The following XPNPEP1 variants were observed in gnomAD, a reference collection of about 807,000 sequenced individuals.
XPNPEP1 encodes the protein X-prolyl aminopeptidase 1.
In XPNPEP1, 39 loss-of-function variants were observed where a neutral mutation model predicts 92.4. The observed-to-expected ratio is 0.42, with a 90% CI of 0.33 to 0.55. The LOEUF (loss-of-function observed/expected upper bound fraction) is 0.55, where lower values mean the gene tolerates loss of function less well. Ranked by LOEUF, XPNPEP1 falls within the 20% of genes least tolerant of loss-of-function variation. XPNPEP1 has a pLI of 0.08. For synonymous variants in XPNPEP1, 307 were observed against 299.4 expected, an observed-to-expected ratio of 1.03 and a Z score of -0.26; for missense variants, 654 against 856.1, an observed-to-expected ratio of 0.76 and a Z score of 2.95.
chr10:109,878,178 T>C, intron 12 of XPNPEP1, 120 bp from the exon 13 acceptor site: 3 of 1,051,714 alleles, frequency 2.9e-6, no homozygotes, highest in African/African-American at 1.6e-5. Flanking sequence ...AACTGACCAA[T>C]CTACAGGACA....
At chr10:109,875,664 G>T in intron 14 of XPNPEP1, 65 bp from the exon 15 acceptor site, 2 of 1,416,708 alleles carry the variant, frequency 1.4e-6, no homozygotes, top group African/African-American at 2.9e-5. Flanking sequence ...CTGGGAGGAG[G>T]ACACACAAGA....
intron 5 of XPNPEP1, among the ~76,000 whole-genome samples, chr10:109,889,862 C>T (rs1848603804): frequency 2.6e-5 from 4 of 152,088 alleles, no homozygotes; most frequent in African/African-American, 7.2e-5. Context: ...TCATGAATTC[C>T]AATTCTAAAA....
intron 1 of XPNPEP1, among the ~76,000 whole-genome samples, chr10:109,916,210 G>C (rs900052358): frequency 2.0e-5 from 3 of 152,192 alleles, no homozygotes; most frequent in African/African-American, 7.2e-5. Flanking sequence ...TATTATAACA[G>C]ACAACATTTT....
At chr10:109,919,987 G>A (rs371542724) in intron 1 of XPNPEP1, among the ~76,000 whole-genome samples, 4 of 151,954 alleles carry the variant, frequency 2.6e-5, no homozygotes, top group African/African-American at 4.8e-5. Context: ...AGCCAAGATC[G>A]TGCCACTGCA....
rs1289756028 is a variant in XPNPEP1 at position 109,884,078 on chromosome 10, T to C, written c.819A>G (p.Leu273=). The change falls in exon 9 of 21, where the codon CTA becomes CTG. Residue 273 remains leucine (L), a synonymous_variant. Transcript: ENST00000502935. The stretch of plus-strand genomic sequence containing the variant: ...GGGCAAACACTCACATGATCGTCTC[T>C]AGTCCTATGATTGCGTAGGAGAAAA... ...PVFFSYAIIG[L]ETIMLFIDGD... is the part of the protein sequence containing the mutation. The C allele has an allele frequency of 6.2e-7, 1 of 1,614,018 alleles. No homozygotes were observed. Among genetic ancestry groups the C allele is most frequent in the Middle Eastern group, 1.6e-4 (1 of 6,062 alleles).
chr10:109,895,316 A>G (rs571835348), intron 3 of XPNPEP1, among the ~76,000 whole-genome samples: 1 of 152,340 alleles, frequency 6.6e-6, no homozygotes, highest in East Asian at 1.9e-4. Context: ...ATTCAGGGAC[A>G]TAGTACTCTA....
At chr10:109,870,154 T>C (rs1451738801) in intron 18 of XPNPEP1, 125 bp from the exon 19 acceptor site, 3 of 1,044,872 alleles carry the variant, frequency 2.9e-6, no homozygotes, top group East Asian at 2.6e-5. Context: ...GAGCCCACTC[T>C]ATCTGGTGTA....
At position 109,907,761 on chromosome 10, in the gene XPNPEP1, G is replaced by A. The variant is rs1216896295; in HGVS notation, c.176C>T (p.Ala59Val). 5.0e-6 allele frequency: 8 copies of A among 1,614,090 alleles called. No homozygotes were observed. In the African/African-American group the frequency reaches 6.7e-5, roughly 13 times the overall value. Residue 59 changes from alanine to valine, a missense_variant, in exon 3 of 21, where the codon GCC becomes GTC. Coordinates refer to ENST00000502935, the MANE Select transcript of XPNPEP1 (RefSeq NM_020383.4). ...TSELLRQLRQAMRNSEYVTEP... is the reference protein window; with the variant it reads ...TSELLRQLRQVMRNSEYVTEP... ...GGTCACATACTCAGAGTTCCTCATG[G>A]CTTGTCTCAGCTGCCGAAGCAGCTC...
At position 109,907,725 on chromosome 10, in the gene XPNPEP1, T is replaced by C; in HGVS notation, c.212A>G (p.Gln71Arg). The C allele has an allele frequency of 6.2e-7, 1 of 1,614,226 alleles. No individual in the cohort carries two copies. ...RNSEYVTEPI[Q>R]AYIIPSGDAH... is the part of the protein sequence containing the mutation. ...ATCTCCCGATGGGATGATGTAGGCC[T>C]GGATCGGTTCGGTCACATACTCAGA... Residue 71 changes from glutamine to arginine, a missense_variant, in exon 3 of 21, where the codon CAG becomes CGG. By Grantham distance (43) the Gln-to-Arg change is conservative. Coordinates refer to ENST00000502935, the MANE Select transcript of XPNPEP1 (RefSeq NM_020383.4).
At position 109,907,700 on chromosome 10, in the gene XPNPEP1, A is replaced by G. The variant is rs771215701; in HGVS notation, c.237T>C (p.Asp79=). The G allele has an allele frequency of 2.5e-6, 4 of 1,614,224 alleles. No homozygotes were observed. Among genetic ancestry groups the G allele is most frequent in the South Asian group, 2.2e-5 (2 of 91,090 alleles). ...CATTGCCATGCAGTACCTGATGAGC[A>G]TCTCCCGATGGGATGATGTAGGCCT... is the stretch of plus-strand genomic sequence containing the variant. ...PIQAYIIPSG[D]AHQSEYIAPC... Residue 79 remains aspartate (D), a synonymous_variant, in exon 3 of 21, where the codon GAT becomes GAC. Transcript: ENST00000502935.
In XPNPEP1 at chr10:109,923,403, T is replaced by C; in HGVS notation, c.31A>G (p.Arg11Gly). Residue 11 changes from arginine (R) to glycine (G), a missense_variant and splice_region_variant, in exon 1 of 21, where the codon AGG becomes GGG. By Grantham distance (125) the Arg-to-Gly change is moderately radical. Transcript: ENST00000502935. MAASRKPPRVRVNHQDFQLRN... is the reference protein window; with the variant it reads MAASRKPPRVGVNHQDFQLRN... ...CGGCTGCCGGCGGAGTGCCCTCACC[T>C]TACTCGCGGTGGCTTTCTGGAGGCT... 1.4e-6 allele frequency: 2 copies of C among 1,439,228 alleles called. No homozygotes were observed. The highest frequency in any genetic ancestry group is 1.8e-6 in the Non-Finnish European group (2 of 1,096,026). The allele number at this position is 1,439,228 out of a possible 1,614,324, so 89.2% of individuals were successfully genotyped here. A position where few individuals can be genotyped will look rare whatever the true frequency, so the allele number is the denominator to read the frequency against.
intron 19 of XPNPEP1, 101 bp from the exon 20 acceptor site, chr10:109,868,813 A>C: frequency 1.8e-6 from 2 of 1,101,698 alleles, no homozygotes; most frequent in Non-Finnish European, 2.7e-6. Flanking sequence ...AGCCAGGGGT[A>C]ACTGGGAGCC....
chr10:109,866,648 A>C (rs1055238323), intron 20 of XPNPEP1, among the ~76,000 whole-genome samples: 1 of 152,230 alleles, frequency 6.6e-6, no homozygotes, highest in African/African-American at 2.4e-5. Flanking sequence ...GCAGCTGGCC[A>C]TATTCATATC....
chr10:109,874,897 C>T (rs979827370), intron 15 of XPNPEP1, among the ~76,000 whole-genome samples: 5 of 152,028 alleles, frequency 3.3e-5, no homozygotes, highest in African/African-American at 1.2e-4. Context: ...TGCAGTGAGC[C>T]GAGATCACGC....
chr10:109,903,117 T>C (rs1232326404), intron 3 of XPNPEP1, among the ~76,000 whole-genome samples: 1 of 152,218 alleles, frequency 6.6e-6, no homozygotes, highest in Admixed American at 6.5e-5. Context: ...CTATAAGATG[T>C]CGGTGTCTCC....
At chr10:109,913,030 AAGCAAAGTATGC>A (rs1400941886) in intron 2 of XPNPEP1, among the ~76,000 whole-genome samples, 1 of 152,238 alleles carries the variant, frequency 6.6e-6, no homozygotes, top group Non-Finnish European at 1.5e-5. Flanking sequence ...GCCAAGAGCT[AAGCAAAGTATGC>A]AGCAAAGTAG....
chr10:109,899,884 G>C (rs1309710954), intron 3 of XPNPEP1, among the ~76,000 whole-genome samples: 1 of 152,194 alleles, frequency 6.6e-6, no homozygotes, highest in African/African-American at 2.4e-5. Flanking sequence ...TCCAACCAAG[G>C]ATTCTCCTGC....
chr10:109,893,584 C>G, intron 3 of XPNPEP1: 1 of 154,198 alleles, frequency 6.5e-6, no homozygotes, highest in Non-Finnish European at 1.4e-5. Context: ...CTGTCCCTTC[C>G]TGCTACAGAG....
chr10:109,877,976 G>C (rs1396968985), intron 13 of XPNPEP1, 24 bp downstream of exon 13: 1 of 1,614,094 alleles, frequency 6.2e-7, no homozygotes, highest in East Asian at 2.2e-5. Flanking sequence ...CGAGGCTCCT[G>C]GGTCCCCCCA....
Sources: gnomAD v4.1 joint callset for allele counts (sites outside exome capture counted in the v4.1 genomes callset) on GRCh38, gnomAD v4.1.1 for gene constraint, MANE v1.5 for transcripts, NCBI Gene and HGNC (gene_info 2026-07-23, HGNC 2026-07-21) for gene names.